Variants in ACACA observed in about 807,000 individuals in gnomAD.
The protein encoded by ACACA is acetyl-CoA carboxylase 1.
A neutral mutation model predicts 296.1 loss-of-function variants in ACACA; 103 were observed. The ratio of observed to expected loss-of-function variants is 0.35; its 90% CI spans 0.30 to 0.41. The LOEUF (loss-of-function observed/expected upper bound fraction) is 0.41, where lower values mean the gene tolerates loss of function less well. Among genes scored for constraint, ACACA ranks in the 10% least tolerant of loss-of-function variants. The probability of loss-of-function intolerance (pLI) is 1.00; values close to 1 mark genes in which losing one functional copy is unlikely to be tolerated. For synonymous variants in ACACA, 953 were observed against 1,038.6 expected, an observed-to-expected ratio of 0.92 and a Z score of 1.58; for missense variants, 1,554 against 2,989.7, an observed-to-expected ratio of 0.52 and a Z score of 11.20.
At position 37,085,568 on chromosome 17, in the gene ACACA, T is replaced by G; in HGVS notation, c.*1748A>C. ...GCCAGCAATGGTCAATGCATTTTCC[T>G]GGACTGAGAATTGTCCCCCACCACT... On this transcript the variant is annotated 3_prime_UTR_variant, in exon 56 of 56. Transcript: ENST00000616317. The G allele has an allele frequency of 5.0e-6, 2 of 398,768 alleles. No individual in the cohort carries two copies. Among genetic ancestry groups the G allele is most frequent in the Non-Finnish European group, 8.8e-6 (2 of 226,084 alleles). 24.7% of individuals were successfully genotyped at this position (398,768 alleles called of 1,614,324 possible).
chr17:37,406,643 C>G lies in ACACA; in HGVS notation c.-344G>C, dbSNP rs895853517. On this transcript the variant is annotated 5_prime_UTR_variant, in exon 1 of 56. Transcript: ENST00000616317. Reference sequence around the variant, plus strand: ...CCACGCGCCAGGAAGCCTCAGGCAACGGGCCACGCGCCACACGGGCAAAGT... The same window carrying G: ...CCACGCGCCAGGAAGCCTCAGGCAAGGGGCCACGCGCCACACGGGCAAAGT... The G allele has an allele frequency of 6.1e-6, 3 of 490,496 alleles. No individual in the cohort carries two copies. The highest frequency in any genetic ancestry group is 1.9e-5 in the African/African-American group (1 of 51,396). 30.4% of individuals were successfully genotyped at this position (490,496 alleles called of 1,614,324 possible). A position where few individuals can be genotyped will look rare whatever the true frequency, so the allele number is the denominator to read the frequency against.
Position 37,113,179 on chromosome 17 carries a change from G to T in ACACA, c.6361C>A (p.Pro2121Thr). Residue 2121 changes from proline (P) to threonine (T), a missense_variant, in exon 51 of 56, where the codon CCC becomes ACC. Transcript: ENST00000616317. The surrounding 1 kb of genome is among the most constrained non-coding windows in gnomAD (Gnocchi z 4.0). ...CCQPVLVYIP[P>T]QAELRGGSWV... Reference sequence around the variant, plus strand: ...GAGCCACCCCGCAGCTCAGCCTGGGGAGGAATGTAAACCAGCACAGGCTGG... The same window carrying T: ...GAGCCACCCCGCAGCTCAGCCTGGGTAGGAATGTAAACCAGCACAGGCTGG... 1 of 1,614,200 alleles carries T rather than the reference G, an allele frequency of 6.2e-7. No individual in the cohort carries two copies.
rs1394810430 is a variant in ACACA at position 37,330,120 on chromosome 17, C to A, written c.338+53G>T. 8.7e-6 allele frequency: 14 copies of A among 1,608,202 alleles called. No individual in the cohort carries two copies. In the South Asian group the frequency reaches 1.5e-4, roughly 18 times the overall value. Reference sequence around the variant, plus strand: ...ATCCTTGCTCTTTTCAGAACATAATCAGCAAAACTAACAAGACAGATTAAA... The same window carrying A: ...ATCCTTGCTCTTTTCAGAACATAATAAGCAAAACTAACAAGACAGATTAAA... On this transcript the variant is annotated intron_variant, in intron 3 of 55. Transcript: ENST00000616317.
intron 50 of ACACA, among the ~76,000 whole-genome samples, chr17:37,114,600 A>G (rs1240951983): frequency 6.6e-6 from 1 of 152,050 alleles, no homozygotes; most frequent in Admixed American, 6.6e-5. Context: ...CCTGAAGAAA[A>G]GGACCCATGA....
chr17:37,151,152 C>T, intron 44 of ACACA, 149 bp downstream of exon 44: 1 of 906,556 alleles, frequency 1.1e-6, no homozygotes, highest in Non-Finnish European at 1.7e-6. Flanking sequence ...TCCTATCTTC[C>T]TATTATCATG....
At chr17:37,300,138 G>T (rs1960026750) in intron 3 of ACACA, among the ~76,000 whole-genome samples, 1 of 152,166 alleles carries the variant, frequency 6.6e-6, no homozygotes, top group South Asian at 2.1e-4. Context: ...AGAAAAGATT[G>T]TGGGTTAAAC....
At chr17:37,371,405 GAA>G (rs969506164) in intron 1 of ACACA, among the ~76,000 whole-genome samples, 3 of 151,942 alleles carry the variant, frequency 2.0e-5, no homozygotes, top group Non-Finnish European at 4.4e-5. Flanking sequence ...ACAAAACATG[GAA>G]AAATAAAGAT....
chr17:37,332,220 TAAAAAAA>T (rs771392453), intron 2 of ACACA, among the ~76,000 whole-genome samples: 1 of 138,556 alleles, frequency 7.2e-6, no homozygotes, highest in Non-Finnish European at 1.6e-5. Flanking sequence ...AAGTATAATT[TAAAAAAA>T]AAAAAGAAAG....
At chr17:37,250,867 T>G (rs1483088484) in intron 16 of ACACA, among the ~76,000 whole-genome samples, 2 of 149,208 alleles carry the variant, frequency 1.3e-5, no homozygotes, top group Non-Finnish European at 3.0e-5. Flanking sequence ...CTAATAAAAA[T>G]ACAAAAAAAA....
intron 41 of ACACA, among the ~76,000 whole-genome samples, chr17:37,175,099 G>A (rs1325904566): frequency 6.6e-6 from 1 of 152,162 alleles, no homozygotes. Flanking sequence ...AGTTACTATG[G>A]TAGTTGACTC....
intron 29 of ACACA, 91 bp downstream of exon 29, chr17:37,221,633 A>C: frequency 8.7e-7 from 1 of 1,150,550 alleles, no homozygotes. Flanking sequence ...TTTCTAACTA[A>C]AAAAACATGG....
intron 41 of ACACA, chr17:37,162,645 C>T (rs1291056482): frequency 1.7e-5 from 5 of 287,328 alleles, no homozygotes. Flanking sequence ...TACAAGAGTA[C>T]AAGGTGGTGG....
intron 1 of ACACA, among the ~76,000 whole-genome samples, chr17:37,383,104 A>C (rs915799903): frequency 6.6e-6 from 1 of 152,210 alleles, no homozygotes; most frequent in Non-Finnish European, 1.5e-5. Flanking sequence ...AAATTAATTA[A>C]ATCCAATTGT....
chr17:37,320,404 G>A (rs2047297620), intron 3 of ACACA, among the ~76,000 whole-genome samples: 1 of 151,602 alleles, frequency 6.6e-6, no homozygotes, highest in African/African-American at 2.4e-5. Context: ...CCAGCTACAT[G>A]GGAGCCTGAG....
At chr17:37,300,534 A>T (rs768684575) in intron 3 of ACACA, among the ~76,000 whole-genome samples, 1 of 152,226 alleles carries the variant, frequency 6.6e-6, no homozygotes, top group East Asian at 1.9e-4. Flanking sequence ...AATAGTTAAC[A>T]ATCTGATGCC....
intron 3 of ACACA, among the ~76,000 whole-genome samples, chr17:37,329,931 A>C (rs527299015): frequency 1.3e-5 from 2 of 152,098 alleles, no homozygotes; most frequent in African/African-American, 2.4e-5. Flanking sequence ...ACAGAGCAAG[A>C]CTCCGTCTCA....
chr17:37,228,081 C>T (rs893725531), intron 25 of ACACA, among the ~76,000 whole-genome samples: 6 of 151,742 alleles, frequency 4.0e-5, no homozygotes, highest in African/African-American at 1.5e-4. Flanking sequence ...ACCTTTATCA[C>T]AGAAGTATAA....
intron 10 of ACACA, among the ~76,000 whole-genome samples, chr17:37,268,733 C>CTA (rs1402309165): frequency 4.9e-4 from 35 of 70,814 alleles, no homozygotes; most frequent in African/African-American, 2.1e-3. Flanking sequence ...ATCTATCTAT[C>CTA]TATCTATCTA....
chr17:37,363,291 T>C (rs1012864241), intron 1 of ACACA, among the ~76,000 whole-genome samples: 3 of 149,298 alleles, frequency 2.0e-5, no homozygotes, highest in Admixed American at 6.7e-5. Flanking sequence ...CAAGCGATTC[T>C]TCTGCCTCAG....
Sources: allele counts gnomAD v4.1 joint callset (sites outside exome capture counted in the v4.1 genomes callset), GRCh38; gene constraint gnomAD v4.1.1; non-coding constraint Gnocchi (gnomAD v3.1); transcripts MANE v1.5; gene names NCBI Gene and HGNC (gene_info 2026-07-23, HGNC 2026-07-21).